TBL1XR1: variants seen among roughly 807,000 people sequenced by gnomAD.
The protein encoded by TBL1XR1 is TBL1X/Y related 1, also known as F-box-like/WD repeat-containing protein TBL1XR1.
TBL1XR1 carries 5 observed loss-of-function variants against 66.9 expected under a neutral mutation model. The observed-to-expected ratio is 0.07, with a 90% CI of 0.04 to 0.16. The LOEUF is 0.16. Among genes scored for constraint, TBL1XR1 ranks in the 10% least tolerant of loss-of-function variants. The probability of loss-of-function intolerance (pLI) is 1.00; values close to 1 mark genes in which losing one functional copy is unlikely to be tolerated. For synonymous variants in TBL1XR1, 210 were observed against 206.0 expected (o/e 1.02, Z -0.17); for missense variants, 238 against 623.2 (o/e 0.38, Z 6.58).
chr3:177,170,203 C>CGGA lies in TBL1XR1; in HGVS notation c.-122+26917_-122+26918insTCC, dbSNP rs1733294115. On this transcript the variant is annotated intron_variant, in intron 1 of 15. Transcript: ENST00000457928. ...CCCCACTCAAATTCCTTCACTAGGT[C>CGGA]CCTCAACTTTCCAAAGCTTTGGCTT... 1.3e-5 allele frequency among the ~76,000 whole-genome samples: 2 copies of CGGA among 152,064 alleles called. 1 individual carries two copies. Among genetic ancestry groups the CGGA allele is most frequent in the South Asian group, 4.1e-4 (2 of 4,822 alleles).
At chr3:177,087,120 A>T (rs201797063) in intron 2 of TBL1XR1, 7 of 147,896 alleles carry the variant, frequency 4.7e-5, no homozygotes, top group East Asian at 2.0e-4. Context: ...CTGTACTTTT[A>T]AAAAAACCAA....
upstream of TBL1XR1, chr3:177,201,662 CTTAA>C (rs931964517): frequency 6.6e-6 from 1 of 152,140 alleles, no homozygotes; most frequent in Non-Finnish European, 1.5e-5. Context: ...TCAAAACAAA[CTTAA>C]TTGTATAAAA....
chr3:177,165,632 A>G (rs1442095922), intron 1 of TBL1XR1, among the ~76,000 whole-genome samples: 1 of 152,250 alleles, frequency 6.6e-6, no homozygotes, highest in African/African-American at 2.4e-5. Flanking sequence ...AGTGGAACAA[A>G]ATAGCCCAGA....
chr3:177,198,865 G>GACACACACACACAC (rs57636923), upstream of TBL1XR1, among the ~76,000 whole-genome samples: 2 of 148,088 alleles, frequency 1.4e-5, no homozygotes, highest in Non-Finnish European at 1.5e-5. Context: ...GAAGTTTTGC[G>GACACACACACACAC]ACACACACAC....
At chr3:177,046,515 T>C (rs1465360970) in intron 9 of TBL1XR1, among the ~76,000 whole-genome samples, 1 of 152,158 alleles carries the variant, frequency 6.6e-6, no homozygotes, top group Non-Finnish European at 1.5e-5. Context: ...GTATAGATGT[T>C]TAGTAAGAGA....
At chr3:177,122,196 T>C (rs1270664947) in intron 1 of TBL1XR1, among the ~76,000 whole-genome samples, 1 of 152,022 alleles carries the variant, frequency 6.6e-6, no homozygotes, top group Non-Finnish European at 1.5e-5. Flanking sequence ...TAAGACTGTG[T>C]TTACTAAATG....
chr3:177,112,074 AATAT>A (rs1170375681), intron 1 of TBL1XR1, among the ~76,000 whole-genome samples: 580 of 40,902 alleles, frequency 0.014, 15 homozygotes, highest in South Asian at 0.038. Context: ...TATAAAATCA[AATAT>A]ATATATATAT....
At chr3:177,143,743 G>T (rs35944777) in intron 1 of TBL1XR1, among the ~76,000 whole-genome samples, 1 of 152,012 alleles carries the variant, frequency 6.6e-6, no homozygotes, top group Admixed American at 6.5e-5. Context: ...AATTCAGTGA[G>T]GGTACAGCTA....
intron 1 of TBL1XR1, among the ~76,000 whole-genome samples, chr3:177,121,904 T>C (rs550290429): frequency 3.3e-5 from 5 of 152,014 alleles, no homozygotes; most frequent in African/African-American, 1.2e-4. Flanking sequence ...CATTAATTAC[T>C]GGAAACCTAG....
At chr3:177,038,533 A>G in intron 10 of TBL1XR1, 99 bp from the exon 11 acceptor site, 1 of 1,176,276 alleles carries the variant, frequency 8.5e-7, no homozygotes, top group Non-Finnish European at 1.1e-6. Flanking sequence ...ATATACTAAC[A>G]GGCACTTAAA....
intron 1 of TBL1XR1, among the ~76,000 whole-genome samples, chr3:177,112,874 G>A (rs561285819): frequency 1.8e-4 from 28 of 152,064 alleles, no homozygotes; most frequent in Non-Finnish European, 3.7e-4. Context: ...GTGGTACCAT[G>A]TGCCTGGAGT....
At chr3:177,165,618 G>T (rs1400236271) in intron 1 of TBL1XR1, among the ~76,000 whole-genome samples, 3 of 152,164 alleles carry the variant, frequency 2.0e-5, no homozygotes, top group Non-Finnish European at 2.9e-5. Context: ...AGAACAAATA[G>T]ATCAGTGGAA....
chr3:177,043,986 T>A (rs1715973661), intron 10 of TBL1XR1, among the ~76,000 whole-genome samples: 1 of 152,150 alleles, frequency 6.6e-6, no homozygotes, highest in Non-Finnish European at 1.5e-5. Context: ...AGATTCTAAC[T>A]ATGTAGGTAT....
At chr3:177,163,798 C>T (rs984407310) in intron 1 of TBL1XR1, among the ~76,000 whole-genome samples, 13 of 152,038 alleles carry the variant, frequency 8.6e-5, no homozygotes, top group Admixed American at 7.2e-4. Context: ...ATTACCTAGC[C>T]AACAAATCTT....
At chr3:177,029,436 A>G (rs1227616697) in intron 14 of TBL1XR1, among the ~76,000 whole-genome samples, 1 of 152,146 alleles carries the variant, frequency 6.6e-6, no homozygotes, top group East Asian at 1.9e-4. Context: ...ACTGGGCAAC[A>G]TGGCAAAACC....
chr3:177,197,664 G>T (rs1330085211), upstream of TBL1XR1, among the ~76,000 whole-genome samples: 1 of 141,910 alleles, frequency 7.0e-6, no homozygotes, highest in Non-Finnish European at 1.6e-5. Context: ...GGGAGGGGCC[G>T]GCGGGGGAGG....
At chr3:177,201,284 G>T (rs988086122), upstream of TBL1XR1, among the ~76,000 whole-genome samples, 2 of 151,864 alleles carry the variant, frequency 1.3e-5, no homozygotes, top group African/African-American at 4.8e-5. Flanking sequence ...GGTGGCACAT[G>T]CCTGTAATCC....
intron 1 of TBL1XR1, among the ~76,000 whole-genome samples, chr3:177,191,191 A>G (rs1736099100): frequency 1.3e-5 from 2 of 152,204 alleles, no homozygotes; most frequent in South Asian, 4.1e-4. Flanking sequence ...AAGCATACAA[A>G]TTCAATCCAG....
At chr3:177,078,723 T>A (rs1346703576) in intron 2 of TBL1XR1, 1 of 151,784 alleles carries the variant, frequency 6.6e-6, no homozygotes. Flanking sequence ...GGCGGACAGA[T>A]CACGAGGTCA....
Sources: gnomAD v4.1 joint callset for allele counts (sites outside exome capture counted in the v4.1 genomes callset) on GRCh38, gnomAD v4.1.1 for gene constraint, MANE v1.5 for transcripts, NCBI Gene and HGNC (gene_info 2026-07-23, HGNC 2026-07-21) for gene names.